The following LINGO2 variants were observed in gnomAD, a reference collection of about 807,000 sequenced individuals.
The protein encoded by LINGO2 is leucine-rich repeat and immunoglobulin-like domain-containing nogo receptor-interacting protein 2.
A neutral mutation model predicts 30.6 loss-of-function variants in LINGO2; 14 were observed. The observed-to-expected ratio is 0.46, with a 90% CI of 0.30 to 0.72. The LOEUF is 0.72. LINGO2 is among the 30% of genes least tolerant of loss of function. The probability of loss-of-function intolerance (pLI) is 0.07; values close to 1 mark genes in which losing one functional copy is unlikely to be tolerated. For synonymous variants in LINGO2, 317 were observed against 288.5 expected (o/e 1.10, Z -1.00); for missense variants, 729 against 751.7 (o/e 0.97, Z 0.35).
chr9:29,086,246 T>G, the LINGO2 span, among the ~76,000 whole-genome samples: 1 of 152,204 alleles, frequency 6.6e-6, no homozygotes, highest in Non-Finnish European at 1.5e-5. Context: ...AAGAGTTAAT[T>G]AAGAATAATA....
At chr9:28,355,303 C>A (rs1032964725) in intron 3 of LINGO2, among the ~76,000 whole-genome samples, 1 of 20,960 alleles carries the variant, frequency 4.8e-5, no homozygotes, top group East Asian at 7.4e-4. Flanking sequence ...CTCTATGTCT[C>A]TCTCTCTCTC....
intron 1 of LINGO2, among the ~76,000 whole-genome samples, chr9:28,664,450 T>C (rs1308069425): frequency 6.6e-6 from 1 of 152,074 alleles, no homozygotes; most frequent in Non-Finnish European, 1.5e-5. Context: ...TTTACGTTGA[T>C]CAGATTGGAT....
At chr9:28,804,337 G>A in the LINGO2 span, among the ~76,000 whole-genome samples, 1 of 152,008 alleles carries the variant, frequency 6.6e-6, no homozygotes, top group East Asian at 1.9e-4. Flanking sequence ...ACACACAAAC[G>A]ACCTAGAAAT....
chr9:29,123,369 C>G, the LINGO2 span, among the ~76,000 whole-genome samples: 5 of 151,960 alleles, frequency 3.3e-5, no homozygotes, highest in African/African-American at 4.8e-5. Context: ...ACACTCCACA[C>G]GTTGACACTG....
chr9:28,446,946 C>G (rs905485826), intron 2 of LINGO2, among the ~76,000 whole-genome samples: 10 of 152,134 alleles, frequency 6.6e-5, no homozygotes, highest in African/African-American at 2.4e-4. Context: ...TTTTATTTTT[C>G]TAAAAAGTGC....
intron 3 of LINGO2, among the ~76,000 whole-genome samples, chr9:28,369,901 C>T (rs1287622920): frequency 1.3e-5 from 2 of 152,102 alleles, no homozygotes; most frequent in African/African-American, 4.8e-5. Context: ...TGTATAATCT[C>T]TGCTTCTTTG....
At chr9:28,870,373 C>T in the LINGO2 span, among the ~76,000 whole-genome samples, 8 of 152,012 alleles carry the variant, frequency 5.3e-5, no homozygotes, top group African/African-American at 1.9e-4. Context: ...CATAAAATGA[C>T]TTTATGTACT....
At chr9:28,157,275 T>C (rs149435607) in intron 4 of LINGO2, among the ~76,000 whole-genome samples, 1,752 of 152,314 alleles carry the variant, frequency 0.012, 18 homozygotes, top group Non-Finnish European at 0.017. Flanking sequence ...CTCAACACCA[T>C]GTGGAAGCTG....
the LINGO2 span, among the ~76,000 whole-genome samples, chr9:29,124,917 A>T: frequency 1.3e-5 from 2 of 152,204 alleles, no homozygotes; most frequent in Non-Finnish European, 2.9e-5. Context: ...CTGGGTATAT[A>T]CCCAAATGAT....
the LINGO2 span, among the ~76,000 whole-genome samples, chr9:29,089,324 C>T: frequency 1.3e-5 from 2 of 151,600 alleles, no homozygotes; most frequent in African/African-American, 4.8e-5. Context: ...ATAATACATC[C>T]TTTTGTCAAG....
intron 4 of LINGO2, among the ~76,000 whole-genome samples, chr9:28,162,301 G>T (rs1251620502): frequency 6.6e-6 from 1 of 152,082 alleles, no homozygotes; most frequent in East Asian, 1.9e-4. Flanking sequence ...AATCTTTTAA[G>T]TTTGCTTATT....
At chr9:28,578,407 T>C (rs577355837) in intron 1 of LINGO2, among the ~76,000 whole-genome samples, 4 of 152,274 alleles carry the variant, frequency 2.6e-5, no homozygotes, top group Admixed American at 6.5e-5. Flanking sequence ...TGCCTGTAGA[T>C]TTTTAAATTT....
chr9:28,274,165 A>G (rs2134099989), intron 4 of LINGO2, among the ~76,000 whole-genome samples: 1 of 152,328 alleles, frequency 6.6e-6, no homozygotes, highest in Admixed American at 6.5e-5. Flanking sequence ...TAACCTAAGC[A>G]CACAAAACTA....
At chr9:28,284,651 C>T (rs531618155) in intron 4 of LINGO2, among the ~76,000 whole-genome samples, 3 of 152,124 alleles carry the variant, frequency 2.0e-5, no homozygotes, top group East Asian at 1.9e-4. Flanking sequence ...TCCCAAAGAC[C>T]GTTTCTATGA....
intron 2 of LINGO2, among the ~76,000 whole-genome samples, chr9:28,429,436 C>T (rs4529548): frequency 0.13 from 19,296 of 152,152 alleles, 1,416 homozygotes; most frequent in East Asian, 0.23. Context: ...AAAAGTTGTA[C>T]CAAGAAACAT....
chr9:28,429,539 G>A (rs1823561130), intron 2 of LINGO2, among the ~76,000 whole-genome samples: 1 of 152,028 alleles, frequency 6.6e-6, no homozygotes, highest in Admixed American at 6.6e-5. Flanking sequence ...CATAACTGAT[G>A]ATATTATATG....
intron 1 of LINGO2, among the ~76,000 whole-genome samples, chr9:28,625,879 A>G (rs1369546860): frequency 6.6e-6 from 1 of 152,054 alleles, no homozygotes; most frequent in African/African-American, 2.4e-5. Flanking sequence ...ATATAATTTA[A>G]TCTTAAAAAA....
chr9:28,438,349 A>C (rs1210237071), intron 2 of LINGO2, among the ~76,000 whole-genome samples: 1 of 152,180 alleles, frequency 6.6e-6, no homozygotes, highest in African/African-American at 2.4e-5. Context: ...ATCCAAATAG[A>C]ATAGAAAGGT....
At chr9:28,830,540 G>C in the LINGO2 span, among the ~76,000 whole-genome samples, 1 of 152,220 alleles carries the variant, frequency 6.6e-6, no homozygotes, top group East Asian at 1.9e-4. Context: ...CAGATATGAA[G>C]ATTAAAAGCA....
Sources: gnomAD v4.1 joint callset for allele counts (sites outside exome capture counted in the v4.1 genomes callset) on GRCh38, gnomAD v4.1.1 for gene constraint, MANE v1.5 for transcripts, NCBI Gene and HGNC (gene_info 2026-07-23, HGNC 2026-07-21) for gene names.